NOSTRIN: variants seen among roughly 807,000 people sequenced by gnomAD.
NOSTRIN encodes nitric oxide synthase trafficking.
NOSTRIN carries 63 observed loss-of-function variants against 59.0 expected under a neutral mutation model. The ratio of observed to expected loss-of-function variants is 1.07; its 90% CI spans 0.87 to 1.32. NOSTRIN has a LOEUF of 1.32. NOSTRIN is among the 40% of genes most tolerant of loss of function. The probability of loss-of-function intolerance (pLI) is 0.00; values close to 1 mark genes in which losing one functional copy is unlikely to be tolerated. For synonymous variants in NOSTRIN, 200 were observed against 165.4 expected (o/e 1.21, Z -1.61); for missense variants, 512 against 473.1 (o/e 1.08, Z -0.76).
rs946220533 is a variant in NOSTRIN, at chr2:168,850,764, A to G, written c.631-320A>G. The G allele has an allele frequency of 5.6e-6, 4 of 717,160 alleles. No individual in the cohort carries two copies. The African/African-American group carries it at 7.0e-5, about 13-fold the overall frequency. 44.4% of individuals were successfully genotyped at this position (717,160 alleles called of 1,614,324 possible). A position where few individuals can be genotyped will look rare whatever the true frequency, so the allele number is the denominator to read the frequency against. ...CCCATCTCTACTGAAATTCTCTGGA[A>G]TTCTCTGGAATCCATGATTGTGTCT... On this transcript the variant is annotated intron_variant, in intron 8 of 15. Transcript: ENST00000317647.
intron 5 of NOSTRIN, among the ~76,000 whole-genome samples, 191 bp from the exon 6 acceptor site, chr2:168,831,281 G>A (rs770580135): frequency 3.9e-5 from 6 of 152,024 alleles, no homozygotes; most frequent in African/African-American, 1.2e-4. Context: ...TCTTTTATAA[G>A]GGCACTAATC....
At chr2:168,800,429 G>T (rs1264882630), upstream of NOSTRIN, among the ~76,000 whole-genome samples, 1 of 152,114 alleles carries the variant, frequency 6.6e-6, no homozygotes, top group Admixed American at 6.5e-5. Context: ...TCAACAAATA[G>T]CCAAGTTCTA....
chr2:168,825,617 C>T (rs892450148), intron 3 of NOSTRIN, among the ~76,000 whole-genome samples: 5 of 152,118 alleles, frequency 3.3e-5, no homozygotes, highest in Non-Finnish European at 5.9e-5. Flanking sequence ...GGTATTGGTT[C>T]ACATTCTTTT....
At chr2:168,860,687 A>T (rs1311082675) in intron 13 of NOSTRIN, 108 bp from the exon 14 acceptor site, 1 of 721,404 alleles carries the variant, frequency 1.4e-6, no homozygotes, top group East Asian at 2.7e-5. Flanking sequence ...AAAAAGAAAA[A>T]ACAAACAGAA....
chr2:168,849,816 C>A (rs1302534927), intron 8 of NOSTRIN, among the ~76,000 whole-genome samples: 1 of 152,136 alleles, frequency 6.6e-6, no homozygotes, highest in Non-Finnish European at 1.5e-5. Flanking sequence ...TCTGCCTGAG[C>A]CAGCCTTCTC....
chr2:168,818,392 A>C, intron 2 of NOSTRIN: 1 of 168,340 alleles, frequency 5.9e-6, no homozygotes. Context: ...CTTGGTCTTA[A>C]TGATTCTCCT....
At chr2:168,820,604 A>G (rs1327190273) in intron 2 of NOSTRIN, among the ~76,000 whole-genome samples, 1 of 152,014 alleles carries the variant, frequency 6.6e-6, no homozygotes, top group East Asian at 1.9e-4. Flanking sequence ...GTCTGTAAAG[A>G]GAAGACTCCC....
Position 168,860,887 on chromosome 2 carries a change from C to T in NOSTRIN, c.1272C>T (p.Ser424=), listed in dbSNP as rs767888315. 113 of 1,613,416 alleles carry T rather than the reference C, an allele frequency of 7.0e-5. 3 individuals carry two copies. In the South Asian group the frequency reaches 1.2e-3, roughly 18 times the overall value. ...IVSKASSGGQ[S]NPGSSTPAPG... Reference sequence around the variant, plus strand: ...GCAAGGCATCTTCTGGTGGGCAGAGCAATCCAGGTTCTTCAACTCCAGGTA... The same window carrying T: ...GCAAGGCATCTTCTGGTGGGCAGAGTAATCCAGGTTCTTCAACTCCAGGTA... The change falls in exon 14 of 16, where the codon AGC becomes AGT. Residue 424 remains serine (S), a synonymous_variant. Coordinates refer to ENST00000317647, the MANE Select transcript of NOSTRIN (RefSeq NM_001039724.4).
chr2:168,823,013 GT>G (rs1460439375), intron 2 of NOSTRIN, among the ~76,000 whole-genome samples: 1 of 151,916 alleles, frequency 6.6e-6, no homozygotes, highest in Admixed American at 6.6e-5. Flanking sequence ...TATTACTTTT[GT>G]TTTTGTTTTT....
At chr2:168,824,813 G>C (rs1686967932) in intron 3 of NOSTRIN, 96 bp downstream of exon 3, 2 of 680,602 alleles carry the variant, frequency 2.9e-6, no homozygotes, top group Non-Finnish European at 5.3e-6. Flanking sequence ...GTCTTGCTCT[G>C]TTACCTGGGT....
At chr2:168,830,936 A>T (rs1046627205) in intron 5 of NOSTRIN, among the ~76,000 whole-genome samples, 20 of 152,320 alleles carry the variant, frequency 1.3e-4, no homozygotes, top group African/African-American at 4.1e-4. Flanking sequence ...ATAGATTAGA[A>T]ATAATTATTT....
Position 168,855,389 on chromosome 2 carries a change from G to T in NOSTRIN, c.893G>T (p.Arg298Leu), listed in dbSNP as rs773928664. 3 of 1,609,244 alleles carry T rather than the reference G, an allele frequency of 1.9e-6. No individual in the cohort carries two copies. The Admixed American group carries it at 5.0e-5, about 27-fold the overall frequency. ...DPNSAMDKER[R>L]KSLLKPKLLR... Reference sequence around the variant, plus strand: ...AACAGTGCAATGGATAAAGAGAGACGAAAGTCTTTACTAAAACCAAAATTA... The same window carrying T: ...AACAGTGCAATGGATAAAGAGAGACTAAAGTCTTTACTAAAACCAAAATTA... Residue 298 changes from arginine to leucine, a missense_variant, in exon 11 of 16, where the codon CGA (arginine) becomes CTA (leucine). Coordinates refer to ENST00000317647, the MANE Select transcript of NOSTRIN (RefSeq NM_001039724.4).
intron 2 of NOSTRIN, among the ~76,000 whole-genome samples, chr2:168,819,568 A>G (rs1426423617): frequency 6.6e-6 from 1 of 152,228 alleles, no homozygotes; most frequent in Non-Finnish European, 1.5e-5. Context: ...AGGTTTCGTT[A>G]TAACTGTGCA....
chr2:168,840,802 G>C (rs1688051805), intron 7 of NOSTRIN, among the ~76,000 whole-genome samples: 1 of 152,080 alleles, frequency 6.6e-6, no homozygotes, highest in Admixed American at 6.5e-5. Flanking sequence ...TTAAAGAATG[G>C]TTTGAAGACC....
chr2:168,805,791 G>A (rs1335135612), intron 1 of NOSTRIN, among the ~76,000 whole-genome samples: 1 of 152,152 alleles, frequency 6.6e-6, no homozygotes, highest in Non-Finnish European at 1.5e-5. Context: ...ATCAGACAAT[G>A]ACTGTCACTA....
intron 11 of NOSTRIN, 138 bp downstream of exon 11, chr2:168,855,598 G>T: frequency 4.7e-5 from 7 of 149,540 alleles, no homozygotes; most frequent in East Asian, 1.6e-4. Flanking sequence ...AACTTCAGTT[G>T]TGTGAACAAA....
At chr2:168,788,923 ATAG>A (rs1685274023) in intron 2 of NOSTRIN, among the ~76,000 whole-genome samples, 4 of 152,052 alleles carry the variant, frequency 2.6e-5, no homozygotes, top group African/African-American at 9.7e-5. Flanking sequence ...AGATAGATAG[ATAG>A]ATAGATAGAT....
intron 5 of NOSTRIN, 128 bp downstream of exon 5, chr2:168,828,629 T>C: frequency 2.5e-6 from 1 of 400,192 alleles, no homozygotes; most frequent in Non-Finnish European, 4.5e-6. Context: ...AAATAAATAC[T>C]TTTATTTATT....
Position 168,855,432 on chromosome 2 carries a change from C to T in NOSTRIN, c.936C>T (p.Asp312=). Residue 312 remains aspartate, a synonymous_variant, in exon 11 of 16, where the codon GAC becomes GAT. Transcript: ENST00000317647. The stretch of plus-strand genomic sequence containing the variant: ...CAAAATTATTGAGACTGCAGAGAGA[C>T]ATTGAAAAAGCCTCAAAAGACAAGG... The part of the protein sequence containing the change: ...LKPKLLRLQR[D]IEKASKDKEG... 1 of 1,609,120 alleles carries T rather than the reference C, an allele frequency of 6.2e-7. No homozygotes were observed. Among genetic ancestry groups the T allele is most frequent in the Non-Finnish European group, 8.5e-7 (1 of 1,176,476 alleles).
Sources: gnomAD v4.1 joint callset for allele counts (sites outside exome capture counted in the v4.1 genomes callset) on GRCh38, gnomAD v4.1.1 for gene constraint, MANE v1.5 for transcripts, NCBI Gene and HGNC (gene_info 2026-07-23, HGNC 2026-07-21) for gene names.